SLC7A1: variants seen among roughly 807,000 people sequenced by gnomAD.
SLC7A1 encodes the protein high affinity cationic amino acid transporter 1.
SLC7A1 carries 10 observed loss-of-function variants against 53.9 expected under a neutral mutation model. The ratio of observed to expected loss-of-function variants is 0.19; its 90% confidence interval spans 0.11 to 0.31. SLC7A1 has a LOEUF of 0.31. Ranked by LOEUF, SLC7A1 falls within the 10% of genes least tolerant of loss-of-function variation. The pLI, the probability that SLC7A1 is intolerant of heterozygous loss-of-function variation, is 1.00. For missense variants in SLC7A1, 525 were observed against 827.2 expected, an observed-to-expected ratio of 0.63 and a Z score of 4.48; for synonymous variants, 342 against 338.7, an observed-to-expected ratio of 1.01 and a Z score of -0.11.
rs1201383788 is a variant in SLC7A1, at chr13:29,522,587, C to A, written c.1050-131G>T. 5.8e-6 allele frequency: 5 copies of A among 862,196 alleles called. No homozygotes were observed. The Admixed American group carries it at 1.2e-4, about 21-fold the overall frequency. 53.4% of individuals were successfully genotyped at this position (862,196 alleles called of 1,614,324 possible). A position where few individuals can be genotyped will look rare whatever the true frequency, so the allele number is the denominator to read the frequency against. ...CACCAAGAGCTGCCGTCCCTCCACG[C>A]TGGGTGAGGCCTGTGGCTAAAAGAC... is the stretch of plus-strand genomic sequence containing the variant. On this transcript the variant is annotated intron_variant, in intron 7 of 12. Coordinates refer to ENST00000380752, the MANE Select transcript of SLC7A1 (RefSeq NM_003045.5).
intron 1 of SLC7A1, among the ~76,000 whole-genome samples, chr13:29,584,457 A>T (rs1374946086): frequency 6.6e-6 from 1 of 152,148 alleles, no homozygotes; most frequent in Admixed American, 6.6e-5. Context: ...AATATTTGTA[A>T]CTTCTATATG....
intron 1 of SLC7A1, among the ~76,000 whole-genome samples, chr13:29,565,861 AG>A (rs1319383176): frequency 2.0e-5 from 3 of 152,094 alleles, no homozygotes; most frequent in Non-Finnish European, 4.4e-5. Context: ...TCTTATCCAA[AG>A]CTTCCTAACG....
intron 1 of SLC7A1, among the ~76,000 whole-genome samples, chr13:29,559,563 A>C (rs1870643495): frequency 6.6e-6 from 1 of 151,642 alleles, no homozygotes. Context: ...CGGGGAGTGA[A>C]TGTGAAGGCC....
intron 1 of SLC7A1, among the ~76,000 whole-genome samples, chr13:29,565,973 T>G (rs866713069): frequency 1.3e-5 from 2 of 152,326 alleles, no homozygotes; most frequent in Middle Eastern, 6.8e-3. Flanking sequence ...AGTTAGATCA[T>G]TACTAACCCA....
rs571065541 is a variant in SLC7A1 at position 29,537,984 on chromosome 13, C to A, written c.-14-1782G>T. ...GGCCTCCCCACACTGCAGCTCAGGGCCCCTCAGCAATGGTCGCATCACTGA... is the reference window on the plus strand; with the variant it reads ...GGCCTCCCCACACTGCAGCTCAGGGACCCTCAGCAATGGTCGCATCACTGA... On this transcript the variant is annotated intron_variant, in intron 2 of 12. Coordinates refer to ENST00000380752, the MANE Select transcript of SLC7A1 (RefSeq NM_003045.5). Among the ~76,000 whole-genome samples, 101 of 152,332 alleles carry A rather than the reference C, an allele frequency of 6.6e-4. 1 individual carries two copies. Among genetic ancestry groups the A allele is most frequent in the Middle Eastern group, 6.8e-3 (2 of 294 alleles).
chr13:29,569,641 G>GT (rs1019704881), intron 1 of SLC7A1, among the ~76,000 whole-genome samples: 3 of 152,344 alleles, frequency 2.0e-5, no homozygotes, highest in Admixed American at 6.5e-5. Flanking sequence ...AGTACCCACA[G>GT]TGAGTCTAGT....
In SLC7A1 at chr13:29,517,183, G is replaced by A; in HGVS notation, c.1638C>T (p.Ile546=). ...TGGTCTTGCTCTCGGGCTGCCTCCA[G>A]ATGACGCCCGTGACCACGGCACAGA... ...ALLCAVVTGV[I]WRQPESKTKL... is the part of the protein sequence containing the mutation. Residue 546 remains isoleucine, a synonymous_variant, in exon 11 of 13, where the codon ATC becomes ATT. Coordinates refer to ENST00000380752, the MANE Select transcript of SLC7A1 (RefSeq NM_003045.5). 18 of 1,612,810 alleles carry A rather than the reference G, an allele frequency of 1.1e-5. No homozygotes were observed. The highest frequency in any genetic ancestry group is 1.5e-5 in the Non-Finnish European group (18 of 1,179,502).
chr13:29,532,885 G>A lies in SLC7A1; in HGVS notation c.468C>T (p.Ala156=), dbSNP rs369646693. Residue 156 remains alanine, a synonymous_variant, in exon 4 of 13, where the codon GCC becomes GCT. Transcript: ENST00000380752. ...EFSRTHMTLN[A]PGVLAENPDI... is the part of the protein sequence containing the mutation. ...CGGGGTTTTCAGCCAGCACGCCGGGGGCGTTCAGAGTCATGTGTGTCCGTG... is the reference window on the plus strand; with the variant it reads ...CGGGGTTTTCAGCCAGCACGCCGGGAGCGTTCAGAGTCATGTGTGTCCGTG... 84 of 1,614,154 alleles carry A rather than the reference G, an allele frequency of 5.2e-5. No homozygotes were observed. The highest frequency in any genetic ancestry group is 5.6e-5 in the Non-Finnish European group (66 of 1,180,012).
chr13:29,565,448 G>A (rs1870928859), intron 1 of SLC7A1, among the ~76,000 whole-genome samples: 1 of 152,208 alleles, frequency 6.6e-6, no homozygotes, highest in African/African-American at 2.4e-5. Flanking sequence ...AGGAGCACCA[G>A]GGCATTGGCC....
At chr13:29,583,651 C>T (rs930248654) in intron 1 of SLC7A1, among the ~76,000 whole-genome samples, 44 of 152,324 alleles carry the variant, frequency 2.9e-4, no homozygotes, top group African/African-American at 1.0e-3. Flanking sequence ...CTCCAAATCA[C>T]CCAAGAAACA....
intron 2 of SLC7A1, among the ~76,000 whole-genome samples, chr13:29,536,563 C>T (rs1869431140): frequency 6.6e-6 from 1 of 152,188 alleles, no homozygotes; most frequent in South Asian, 2.1e-4. Context: ...TCAGATAATA[C>T]ACCAGGAAAA....
chr13:29,563,570 A>T (rs1870850460), intron 1 of SLC7A1, among the ~76,000 whole-genome samples: 1 of 152,206 alleles, frequency 6.6e-6, no homozygotes, highest in Admixed American at 6.5e-5. Context: ...GACGTAGGAG[A>T]CGAAGACAAG....
At chr13:29,531,617 G>C (rs954884690) in intron 4 of SLC7A1, among the ~76,000 whole-genome samples, 4 of 152,210 alleles carry the variant, frequency 2.6e-5, no homozygotes, top group Non-Finnish European at 5.9e-5. Context: ...CAGATCTTTT[G>C]AGGTCAGGAG....
intron 1 of SLC7A1, among the ~76,000 whole-genome samples, chr13:29,587,915 C>G (rs1272257020): frequency 2.6e-5 from 4 of 152,168 alleles, no homozygotes; most frequent in African/African-American, 9.7e-5. Context: ...GGCCAGGTCA[C>G]CAGAGCTGAA....
intron 1 of SLC7A1, among the ~76,000 whole-genome samples, chr13:29,594,246 T>C (rs1215821267): frequency 6.6e-6 from 1 of 152,266 alleles, no homozygotes; most frequent in Non-Finnish European, 1.5e-5. Flanking sequence ...ATTCTACTAG[T>C]CGAATGTAAG....
intron 2 of SLC7A1, among the ~76,000 whole-genome samples, chr13:29,536,475 T>TC (rs1410189571): frequency 6.6e-6 from 1 of 152,160 alleles, no homozygotes; most frequent in Non-Finnish European, 1.5e-5. Context: ...CAGGTCCTCT[T>TC]AATGGAGACT....
At chr13:29,526,764 C>T (rs750019843) in intron 5 of SLC7A1, among the ~76,000 whole-genome samples, 7 of 152,136 alleles carry the variant, frequency 4.6e-5, no homozygotes, top group African/African-American at 7.2e-5. Flanking sequence ...GAAGCAAGGG[C>T]GATGGGTGAG....
chr13:29,579,055 T>C (rs1367691051), intron 1 of SLC7A1, among the ~76,000 whole-genome samples: 1 of 152,244 alleles, frequency 6.6e-6, no homozygotes, highest in African/African-American at 2.4e-5. Flanking sequence ...CAGCTCTCTC[T>C]AGATATCTCA....
intron 11 of SLC7A1, 155 bp downstream of exon 11, chr13:29,516,989 G>C: frequency 1.6e-6 from 1 of 616,966 alleles, no homozygotes; most frequent in Non-Finnish European, 2.7e-6. Context: ...TCCTCTCTGT[G>C]CCTTCAGGAC....
Sources: gnomAD v4.1 joint callset for allele counts (sites outside exome capture counted in the v4.1 genomes callset) on GRCh38, gnomAD v4.1.1 for gene constraint, MANE v1.5 for transcripts, NCBI Gene and HGNC (gene_info 2026-07-23, HGNC 2026-07-21) for gene names.